The following TAFA4 variants were observed in gnomAD, a reference collection of about 807,000 sequenced individuals.
TAFA4 encodes the protein TAFA chemokine like family member 4.
Under a neutral mutation model 21.1 loss-of-function variants are expected in TAFA4, and 20 were observed. The observed-to-expected ratio is 0.95, with a 90% confidence interval of 0.67 to 1.38. TAFA4 has a LOEUF of 1.38. Ranked by LOEUF, TAFA4 falls within the 40% of genes most tolerant of loss-of-function variation. The probability of loss-of-function intolerance (pLI) is 0.00; values close to 1 mark genes in which losing one functional copy is unlikely to be tolerated. For missense variants in TAFA4, 211 were observed against 180.9 expected (o/e 1.17, Z -0.95); for synonymous variants, 71 against 67.4 (o/e 1.05, Z -0.26).
At chr3:68,923,405 G>A (rs1394731512) in intron 1 of TAFA4, among the ~76,000 whole-genome samples, 1 of 152,074 alleles carries the variant, frequency 6.6e-6, no homozygotes, top group Admixed American at 6.6e-5. Flanking sequence ...TACTGTCTCT[G>A]TAAAACAAAA....
chr3:68,926,051 G>A (rs1190750946), intron 1 of TAFA4, among the ~76,000 whole-genome samples: 1 of 152,142 alleles, frequency 6.6e-6, no homozygotes, highest in Admixed American at 6.5e-5. Context: ...GGTCAACATG[G>A]TGAAACCCCG....
At chr3:68,791,389 T>C (rs756239150) in intron 3 of TAFA4, among the ~76,000 whole-genome samples, 6 of 152,170 alleles carry the variant, frequency 3.9e-5, no homozygotes, top group Non-Finnish European at 7.3e-5. Flanking sequence ...AGCCAAGGAA[T>C]GCCTGGGGCT....
At chr3:68,806,995 A>T (rs532742053) in intron 3 of TAFA4, among the ~76,000 whole-genome samples, 5 of 152,196 alleles carry the variant, frequency 3.3e-5, no homozygotes, top group Non-Finnish European at 5.9e-5. Context: ...TAGGAGAATG[A>T]ACCAAATGAA....
chr3:68,820,249 CAG>C (rs1324322268), intron 3 of TAFA4, among the ~76,000 whole-genome samples: 1 of 152,082 alleles, frequency 6.6e-6, no homozygotes, highest in Non-Finnish European at 1.5e-5. Flanking sequence ...CTCATAGAAA[CAG>C]GGAGTAAAAT....
At chr3:68,742,785 C>T (rs1264923830) in intron 4 of TAFA4, among the ~76,000 whole-genome samples, 2 of 152,114 alleles carry the variant, frequency 1.3e-5, no homozygotes, top group East Asian at 3.9e-4. Flanking sequence ...GGTCCAGGGG[C>T]CTTAAGTGAC....
At chr3:68,893,140 C>G (rs939718131) in intron 1 of TAFA4, among the ~76,000 whole-genome samples, 1 of 152,080 alleles carries the variant, frequency 6.6e-6, no homozygotes, top group South Asian at 2.1e-4. Flanking sequence ...TTCAAATATT[C>G]AAAACAGAAT....
chr3:68,881,459 T>G (rs372159562), intron 2 of TAFA4, among the ~76,000 whole-genome samples: 2 of 152,210 alleles, frequency 1.3e-5, no homozygotes, highest in East Asian at 1.9e-4. Context: ...ACAATTCAGT[T>G]GCATGGTCTA....
chr3:68,845,331 C>G (rs1284219305), intron 3 of TAFA4, among the ~76,000 whole-genome samples: 2 of 151,710 alleles, frequency 1.3e-5, no homozygotes, highest in African/African-American at 4.8e-5. Flanking sequence ...GTATTGCAAC[C>G]CCTACTTTTT....
At chr3:68,849,874 T>C (rs1262678256) in intron 3 of TAFA4, among the ~76,000 whole-genome samples, 1 of 152,204 alleles carries the variant, frequency 6.6e-6, no homozygotes, top group Non-Finnish European at 1.5e-5. Context: ...TCTAATCACA[T>C]GCCAGCCCCA....
At chr3:68,779,278 A>T (rs1703106868) in intron 3 of TAFA4, among the ~76,000 whole-genome samples, 1 of 152,206 alleles carries the variant, frequency 6.6e-6, no homozygotes, top group African/African-American at 2.4e-5. Flanking sequence ...ACGTTTGGAA[A>T]ACTTGTAGCC....
intron 3 of TAFA4, among the ~76,000 whole-genome samples, chr3:68,785,558 T>G (rs1264489536): frequency 6.6e-6 from 1 of 152,050 alleles, no homozygotes; most frequent in Non-Finnish European, 1.5e-5. Flanking sequence ...CGGCCGCTCC[T>G]AATGCGGGGC....
intron 3 of TAFA4, among the ~76,000 whole-genome samples, chr3:68,804,370 C>T (rs1378075582): frequency 2.0e-5 from 3 of 152,140 alleles, no homozygotes; most frequent in African/African-American, 7.2e-5. Context: ...AATGGTCATA[C>T]TGCCCAAGGT....
intron 1 of TAFA4, among the ~76,000 whole-genome samples, chr3:68,890,448 T>G (rs1231528281): frequency 2.0e-5 from 3 of 152,190 alleles, no homozygotes; most frequent in Non-Finnish European, 4.4e-5. Flanking sequence ...GTTTGAATGT[T>G]GTGGTTAATT....
intron 1 of TAFA4, among the ~76,000 whole-genome samples, chr3:68,891,476 C>T (rs777124259): frequency 1.3e-5 from 2 of 152,146 alleles, no homozygotes; most frequent in Non-Finnish European, 1.5e-5. Flanking sequence ...CATCTCTGAC[C>T]TCCCGGGCTG....
rs1174286211 is a variant in TAFA4, at chr3:68,932,358, A to G, written c.-241T>C. The G allele has an allele frequency of 2.0e-5, 3 of 152,462 alleles. No individual in the cohort carries two copies. The highest frequency in any genetic ancestry group is 2.1e-4 in the South Asian group (1 of 4,838). 9.4% of individuals were successfully genotyped at this position (152,462 alleles called of 1,614,324 possible). ...CCCGCGGGAGCCCCGGGAGCGGCCC[A>G]TCACCTCTGCAGCCTCGCCAGGAGA... On this transcript the variant is annotated 5_prime_UTR_variant, in exon 1 of 6. It removes an upstream start codon present in the reference 5' UTR. Coordinates refer to ENST00000295569, the MANE Select transcript of TAFA4 (RefSeq NM_182522.5).
chr3:68,905,986 C>A (rs553428562), intron 1 of TAFA4, among the ~76,000 whole-genome samples: 6 of 152,150 alleles, frequency 3.9e-5, no homozygotes, highest in Non-Finnish European at 8.8e-5. Flanking sequence ...GTGAAAATCC[C>A]AAACTGCCTG....
At chr3:68,772,302 T>G (rs757406380) in intron 3 of TAFA4, among the ~76,000 whole-genome samples, 5 of 152,184 alleles carry the variant, frequency 3.3e-5, no homozygotes, top group Admixed American at 1.3e-4. Context: ...AAGGAATACT[T>G]AAAAAGTTGG....
intron 3 of TAFA4, among the ~76,000 whole-genome samples, chr3:68,812,203 C>T (rs1174943062): frequency 6.6e-6 from 1 of 152,142 alleles, no homozygotes; most frequent in African/African-American, 2.4e-5. Flanking sequence ...ACAACAGGTA[C>T]CAGCTACTGC....
intron 3 of TAFA4, among the ~76,000 whole-genome samples, chr3:68,806,287 A>C (rs1292380746): frequency 6.6e-6 from 1 of 152,198 alleles, no homozygotes; most frequent in Non-Finnish European, 1.5e-5. Context: ...ATAGAAGAAG[A>C]GACAGTCTTT....
Sources: allele counts gnomAD v4.1 joint callset (sites outside exome capture counted in the v4.1 genomes callset), GRCh38; gene constraint gnomAD v4.1.1; transcripts MANE v1.5; gene names NCBI Gene and HGNC (gene_info 2026-07-23, HGNC 2026-07-21).